ATP8A1: variants seen among roughly 807,000 people sequenced by gnomAD.
The protein encoded by ATP8A1 is ATPase phospholipid transporting 8A1.
ATP8A1 carries 90 observed loss-of-function variants against 177.7 expected under a neutral mutation model. The ratio of observed to expected loss-of-function variants is 0.51; its 90% CI spans 0.43 to 0.60. The LOEUF (loss-of-function observed/expected upper bound fraction) is 0.60. ATP8A1 is among the 20% of genes least tolerant of loss of function. ATP8A1 has a pLI of 0.00. For missense variants in ATP8A1, 1,072 were observed against 1,392.8 expected, an observed-to-expected ratio of 0.77 and a Z score of 3.67; for synonymous variants, 493 against 485.9, an observed-to-expected ratio of 1.01 and a Z score of -0.19.
chr4:42,499,559 C>T (rs1006123728), intron 24 of ATP8A1, among the ~76,000 whole-genome samples: 2 of 152,158 alleles, frequency 1.3e-5, no homozygotes, highest in Non-Finnish European at 2.9e-5. Context: ...GATGGCCCCT[C>T]CCACCCACTC....
chr4:42,518,167 A>G (rs993035964), intron 22 of ATP8A1, among the ~76,000 whole-genome samples: 9 of 152,266 alleles, frequency 5.9e-5, no homozygotes, highest in African/African-American at 2.2e-4. Context: ...CAAGAGGCAG[A>G]GAGCAGCATT....
At chr4:42,651,840 T>C (rs1266470843) in intron 1 of ATP8A1, among the ~76,000 whole-genome samples, 4 of 152,226 alleles carry the variant, frequency 2.6e-5, no homozygotes, top group Non-Finnish European at 5.9e-5. Context: ...CAGCCAACCC[T>C]GTCTACCTCC....
intron 5 of ATP8A1, among the ~76,000 whole-genome samples, chr4:42,604,953 G>A (rs182966342): frequency 6.6e-6 from 1 of 152,220 alleles, no homozygotes; most frequent in Non-Finnish European, 1.5e-5. Context: ...ATGTACATAA[G>A]ATGCCAAGAA....
intron 28 of ATP8A1, 35 bp downstream of exon 28, chr4:42,455,490 A>C (rs1718382532): frequency 6.2e-7 from 1 of 1,613,618 alleles, no homozygotes; most frequent in Non-Finnish European, 8.5e-7. Flanking sequence ...CCAAGTATTC[A>C]ATGAAACAGG....
At chr4:42,596,044 T>C (rs1005634113) in intron 6 of ATP8A1, among the ~76,000 whole-genome samples, 5 of 152,198 alleles carry the variant, frequency 3.3e-5, no homozygotes, top group Non-Finnish European at 7.3e-5. Context: ...TTAGAATGTC[T>C]ATGTTTAAGA....
At chr4:42,579,566 T>C (rs1027924781) in intron 11 of ATP8A1, among the ~76,000 whole-genome samples, 6 of 151,866 alleles carry the variant, frequency 4.0e-5, no homozygotes, top group Admixed American at 6.6e-5. Context: ...AATAAATGAC[T>C]ATACTTAGTG....
intron 25 of ATP8A1, among the ~76,000 whole-genome samples, chr4:42,469,772 C>T (rs1720187793): frequency 6.6e-6 from 1 of 152,194 alleles, no homozygotes; most frequent in South Asian, 2.1e-4. Context: ...GTGTCTCCAC[C>T]TGTTAAAAGA....
chr4:42,601,233 A>C (rs1371362267), intron 5 of ATP8A1, among the ~76,000 whole-genome samples: 3 of 151,844 alleles, frequency 2.0e-5, no homozygotes, highest in Non-Finnish European at 4.4e-5. Flanking sequence ...ACAGCATTTC[A>C]TCATGTTGGC....
At chr4:42,581,446 T>A (rs1018586848) in intron 10 of ATP8A1, among the ~76,000 whole-genome samples, 175 bp downstream of exon 10, 3 of 152,162 alleles carry the variant, frequency 2.0e-5, no homozygotes, top group African/African-American at 7.2e-5. Flanking sequence ...GCCATTCTTA[T>A]AGGGAGGTAA....
At chr4:42,581,477 G>T in intron 10 of ATP8A1, 144 bp downstream of exon 10, 1 of 670,746 alleles carries the variant, frequency 1.5e-6, no homozygotes, top group Non-Finnish European at 2.6e-6. Flanking sequence ...CCACTCACAG[G>T]AGTACCAGAT....
intron 1 of ATP8A1, among the ~76,000 whole-genome samples, chr4:42,639,964 A>G (rs1739800256): frequency 1.3e-5 from 2 of 152,244 alleles, no homozygotes; most frequent in African/African-American, 4.8e-5. Context: ...GATTCAACAT[A>G]GTACTTGGTG....
chr4:42,491,929 A>G (rs1469261153), intron 24 of ATP8A1, among the ~76,000 whole-genome samples: 1 of 152,172 alleles, frequency 6.6e-6, no homozygotes, highest in South Asian at 2.1e-4. Flanking sequence ...ATTTGACTCC[A>G]TGACTCGTTA....
intron 30 of ATP8A1, among the ~76,000 whole-genome samples, chr4:42,449,770 G>A (rs1215511441): frequency 1.3e-5 from 2 of 152,200 alleles, no homozygotes; most frequent in African/African-American, 4.8e-5. Flanking sequence ...TGCCTTGACT[G>A]AAGCTGGAGA....
intron 29 of ATP8A1, 99 bp from the exon 30 acceptor site, chr4:42,452,158 T>C (rs1023094569): frequency 1.2e-6 from 1 of 812,888 alleles, no homozygotes. Flanking sequence ...ACAAAATGTG[T>C]TTCTGTCGGG....
chr4:42,648,521 C>A (rs73170841), intron 1 of ATP8A1, among the ~76,000 whole-genome samples: 2,529 of 152,114 alleles, frequency 0.017, 59 homozygotes, highest in African/African-American at 0.058. Flanking sequence ...ATCCAGGCCT[C>A]ACATTTCACC....
chr4:42,488,336 T>C (rs1483473440), intron 24 of ATP8A1, among the ~76,000 whole-genome samples: 1 of 151,996 alleles, frequency 6.6e-6, no homozygotes, highest in Non-Finnish European at 1.5e-5. Context: ...GGCTATTAAG[T>C]AGTGACATCA....
At chr4:42,422,720 T>A (rs910204792) in intron 35 of ATP8A1, 87 bp downstream of exon 35, 25 of 1,043,244 alleles carry the variant, frequency 2.4e-5, no homozygotes, top group East Asian at 2.2e-4. Context: ...TGCTGACAAA[T>A]ACAAGTCTTA....
At chr4:42,559,892 G>C (rs1286326127) in intron 15 of ATP8A1, among the ~76,000 whole-genome samples, 1 of 152,176 alleles carries the variant, frequency 6.6e-6, no homozygotes, top group Non-Finnish European at 1.5e-5. Context: ...TTTTAGTAGA[G>C]ACAAGGTTTT....
intron 1 of ATP8A1, among the ~76,000 whole-genome samples, chr4:42,639,155 G>T (rs993474710): frequency 2.0e-5 from 3 of 152,118 alleles, no homozygotes; most frequent in Admixed American, 2.0e-4. Flanking sequence ...GTCAGGGAGG[G>T]TTGAAGGAGT....
Sources: allele counts gnomAD v4.1 joint callset (sites outside exome capture counted in the v4.1 genomes callset), GRCh38; gene constraint gnomAD v4.1.1; transcripts MANE v1.5; gene names NCBI Gene and HGNC (gene_info 2026-07-23, HGNC 2026-07-21).